Variants in GLDN observed in about 807,000 individuals in gnomAD.
GLDN encodes the protein gliomedin.
A neutral mutation model predicts 56.5 loss-of-function variants in GLDN; 47 were observed. That is an observed-to-expected ratio of 0.83 (90% CI 0.66 to 1.06). GLDN has a LOEUF of 1.06. Among genes scored for constraint, GLDN ranks in the 50% least tolerant of loss-of-function variants. The pLI is 0.00. For missense variants in GLDN, 782 were observed against 714.3 expected (o/e 1.09, Z -1.08); for synonymous variants, 332 against 278.8 (o/e 1.19, Z -1.90).
At chr15:51,374,089 T>G (rs1430300344) in intron 1 of GLDN, among the ~76,000 whole-genome samples, 2 of 152,234 alleles carry the variant, frequency 1.3e-5, no homozygotes, top group Admixed American at 6.5e-5. Context: ...AATTTACTGG[T>G]AAATATCTCA....
chr15:51,353,270 A>C (rs1212563693), intron 1 of GLDN, among the ~76,000 whole-genome samples: 1 of 152,080 alleles, frequency 6.6e-6, no homozygotes, highest in Non-Finnish European at 1.5e-5. Flanking sequence ...TCTTTCTAAA[A>C]CCCTAGCCTC....
intron 9 of GLDN, among the ~76,000 whole-genome samples, chr15:51,403,141 C>T (rs762041555): frequency 9.2e-5 from 14 of 152,200 alleles, no homozygotes; most frequent in Admixed American, 2.0e-4. Flanking sequence ...GGTTAGGAGG[C>T]TGTACTGCTC....
intron 2 of GLDN, among the ~76,000 whole-genome samples, chr15:51,378,308 A>G (rs1397958380): frequency 6.6e-6 from 1 of 152,234 alleles, no homozygotes; most frequent in Admixed American, 6.5e-5. Context: ...TGCTAATTGA[A>G]TAACTCAAGT....
At chr15:51,371,022 C>T (rs1161115352) in intron 1 of GLDN, among the ~76,000 whole-genome samples, 4 of 151,878 alleles carry the variant, frequency 2.6e-5, no homozygotes, top group Admixed American at 6.6e-5. Context: ...AAAAAAAAAC[C>T]TATCCCCTTC....
intron 4 of GLDN, 104 bp from the exon 5 acceptor site, chr15:51,394,731 T>C (rs2038088090): frequency 1.9e-6 from 2 of 1,064,472 alleles, no homozygotes; most frequent in African/African-American, 1.6e-5. Context: ...GTGTGTTTGG[T>C]ATATAAAACT....
chr15:51,410,064 C>T (rs927543366), downstream of GLDN, among the ~76,000 whole-genome samples: 2 of 152,188 alleles, frequency 1.3e-5, no homozygotes, highest in Non-Finnish European at 1.5e-5. Context: ...CACCACTGGA[C>T]AGCCCTTCCT....
At chr15:51,377,738 G>A (rs572609595) in intron 2 of GLDN, among the ~76,000 whole-genome samples, 1 of 152,288 alleles carries the variant, frequency 6.6e-6, no homozygotes, top group East Asian at 1.9e-4. Context: ...TTAGAAACGT[G>A]TGGTACCTTG....
Position 51,394,870 on chromosome 15 carries a change from G to C in GLDN, c.577G>C (p.Gly193Arg). 6.2e-7 allele frequency: 1 copy of C among 1,613,758 alleles called. No homozygotes were observed. The highest frequency in any genetic ancestry group is 8.5e-7 in the Non-Finnish European group (1 of 1,179,828). Residue 193 changes from glycine (G) to arginine (R), a missense_variant, in exon 5 of 10, where the codon GGA (glycine) becomes CGA (arginine). By Grantham distance (125) the Gly-to-Arg change is moderately radical. Coordinates refer to ENST00000335449, the MANE Select transcript of GLDN (RefSeq NM_181789.4). ...AGCTGCAGGAAATCCAGGGGAAAGG[G>C]GAGAAAAGGGAGACCATGGTGAACT... The part of the protein sequence containing the change: ...PGAAGNPGER[G>R]EKGDHGELGL...
chr15:51,398,820 C>G (rs2038189701), intron 6 of GLDN, among the ~76,000 whole-genome samples: 1 of 152,194 alleles, frequency 6.6e-6, no homozygotes, highest in African/African-American at 2.4e-5. Context: ...AGCGAGACCT[C>G]CCCTGAGAGA....
chr15:51,342,081 G>T lies in GLDN; in HGVS notation c.363+34G>T, dbSNP rs946536591. ...GGTCTCTGTTCCCCGTGGCGCCCCG[G>T]CCAGGTGGGCGGCTGGGGGTGTGGG... On this transcript the variant is annotated intron_variant, in intron 1 of 9. Coordinates refer to ENST00000335449, the MANE Select transcript of GLDN (RefSeq NM_181789.4). The T allele has an allele frequency of 3.1e-6, 5 of 1,588,108 alleles. No homozygotes were observed. The African/African-American group carries it at 5.5e-5, about 17-fold the overall frequency.
At chr15:51,372,013 C>G (rs1367543993) in intron 1 of GLDN, among the ~76,000 whole-genome samples, 4 of 152,166 alleles carry the variant, frequency 2.6e-5, no homozygotes, top group African/African-American at 9.7e-5. Context: ...GTGATAGAGA[C>G]TGAGAAGTCT....
intron 6 of GLDN, among the ~76,000 whole-genome samples, chr15:51,397,888 C>T (rs374965834): frequency 4.6e-5 from 7 of 152,166 alleles, no homozygotes; most frequent in African/African-American, 1.7e-4. Context: ...ATCCCTCCCC[C>T]CTGAAACAGT....
intron 5 of GLDN, among the ~76,000 whole-genome samples, chr15:51,395,761 T>A (rs79933924): frequency 1.7e-4 from 26 of 151,900 alleles, no homozygotes; most frequent in Admixed American, 5.9e-4. Flanking sequence ...TTTATATATT[T>A]AAAAAAAGGT....
At chr15:51,408,278 C>A (rs2038425489), downstream of GLDN, among the ~76,000 whole-genome samples, 1 of 151,980 alleles carries the variant, frequency 6.6e-6, no homozygotes, top group South Asian at 2.1e-4. Flanking sequence ...TCAGCATGGG[C>A]AAGGCAATTG....
chr15:51,350,032 C>A (rs1014499054), intron 1 of GLDN, among the ~76,000 whole-genome samples: 3 of 152,144 alleles, frequency 2.0e-5, no homozygotes, highest in Non-Finnish European at 4.4e-5. Context: ...CGTGAGCCAC[C>A]GCACCCGGCC....
At chr15:51,378,010 G>A (rs747207780) in intron 2 of GLDN, among the ~76,000 whole-genome samples, 62 of 152,268 alleles carry the variant, frequency 4.1e-4, no homozygotes, top group Middle Eastern at 3.4e-3. Flanking sequence ...TGGGGAGGCC[G>A]GGCTAGAGCT....
At chr15:51,352,295 G>T (rs2037091305) in intron 1 of GLDN, among the ~76,000 whole-genome samples, 1 of 152,014 alleles carries the variant, frequency 6.6e-6, no homozygotes, top group Non-Finnish European at 1.5e-5. Flanking sequence ...TTTTTATAAG[G>T]TCATTAATCC....
chr15:51,410,607 A>G (rs1270813505), downstream of GLDN, among the ~76,000 whole-genome samples: 1 of 152,102 alleles, frequency 6.6e-6, no homozygotes, highest in Non-Finnish European at 1.5e-5. Context: ...GCTCTTCTTA[A>G]TGACATCATG....
At chr15:51,403,478 T>G (rs1372735406) in intron 9 of GLDN, among the ~76,000 whole-genome samples, 1 of 152,208 alleles carries the variant, frequency 6.6e-6, no homozygotes, top group African/African-American at 2.4e-5. Context: ...GGTGTTTTCT[T>G]TTAGCCTAAT....
Sources: gnomAD v4.1 joint callset for allele counts (sites outside exome capture counted in the v4.1 genomes callset) on GRCh38, gnomAD v4.1.1 for gene constraint, MANE v1.5 for transcripts, NCBI Gene and HGNC (gene_info 2026-07-23, HGNC 2026-07-21) for gene names.